Variants in TTC27 observed in about 807,000 individuals in gnomAD.
TTC27 encodes tetratricopeptide repeat protein 27.
A neutral mutation model predicts 115.9 loss-of-function variants in TTC27; 79 were observed. The ratio of observed to expected loss-of-function variants is 0.68; its 90% CI spans 0.57 to 0.82. The LOEUF (loss-of-function observed/expected upper bound fraction) is 0.82. TTC27 is among the 40% of genes least tolerant of loss of function. The pLI is 0.00. For synonymous variants in TTC27, 401 were observed against 356.0 expected (o/e 1.13, Z -1.42); for missense variants, 1,054 against 993.1 (o/e 1.06, Z -0.82).
At chr2:32,745,885 C>T (rs984143461) in intron 12 of TTC27, among the ~76,000 whole-genome samples, 2 of 152,112 alleles carry the variant, frequency 1.3e-5, no homozygotes, top group African/African-American at 4.8e-5. Flanking sequence ...GCAAGCATCT[C>T]TGGGCAATTT....
chr2:32,641,671 G>A (rs936410910), intron 4 of TTC27, among the ~76,000 whole-genome samples: 2 of 151,908 alleles, frequency 1.3e-5, no homozygotes, highest in African/African-American at 4.8e-5. Flanking sequence ...TTTAAGAAAT[G>A]CAATAGTTCT....
intron 10 of TTC27, among the ~76,000 whole-genome samples, chr2:32,717,612 G>A (rs564122621): frequency 5.6e-4 from 85 of 151,886 alleles, no homozygotes; most frequent in Non-Finnish European, 9.4e-4. Context: ...AGTTAAATTT[G>A]TGTCTTTGTG....
At chr2:32,657,925 G>C (rs1158701070) in intron 5 of TTC27, among the ~76,000 whole-genome samples, 1 of 152,210 alleles carries the variant, frequency 6.6e-6, no homozygotes, top group Non-Finnish European at 1.5e-5. Context: ...CACCTTCGGG[G>C]TTCAAGTGAT....
At chr2:32,711,700 G>A (rs966782905) in intron 10 of TTC27, among the ~76,000 whole-genome samples, 8 of 152,164 alleles carry the variant, frequency 5.3e-5, no homozygotes, top group African/African-American at 1.9e-4. Flanking sequence ...AGCACTTTGG[G>A]AGGCTGAGGT....
At chr2:32,650,946 A>G (rs971432385) in intron 5 of TTC27, among the ~76,000 whole-genome samples, 1 of 152,124 alleles carries the variant, frequency 6.6e-6, no homozygotes, top group Non-Finnish European at 1.5e-5. Flanking sequence ...GGAGAATCTT[A>G]GGTGCCTTAA....
At chr2:32,656,602 C>G (rs754601848) in intron 5 of TTC27, among the ~76,000 whole-genome samples, 1 of 152,080 alleles carries the variant, frequency 6.6e-6, no homozygotes, top group East Asian at 1.9e-4. Flanking sequence ...GTGATCACCA[C>G]GAAAGGGTTT....
intron 18 of TTC27, among the ~76,000 whole-genome samples, chr2:32,815,178 T>C (rs1302744860): frequency 6.6e-6 from 1 of 151,052 alleles, no homozygotes; most frequent in Non-Finnish European, 1.5e-5. Context: ...TAAGAGTTAA[T>C]GCATTTTAAC....
intron 13 of TTC27, among the ~76,000 whole-genome samples, chr2:32,763,382 ATCC>A (rs1053278303): frequency 1.3e-5 from 2 of 152,238 alleles, no homozygotes; most frequent in Non-Finnish European, 2.9e-5. Flanking sequence ...AAAAAATTCT[ATCC>A]TCTTTTTTAG....
chr2:32,759,340 G>A (rs1669354888), intron 13 of TTC27, among the ~76,000 whole-genome samples: 1 of 152,164 alleles, frequency 6.6e-6, no homozygotes, highest in Non-Finnish European at 1.5e-5. Flanking sequence ...TATGAGCCAG[G>A]TAATTCATTA....
chr2:32,763,137 G>A (rs1174810856), intron 13 of TTC27, among the ~76,000 whole-genome samples: 1 of 152,194 alleles, frequency 6.6e-6, no homozygotes, highest in Non-Finnish European at 1.5e-5. Context: ...GATGTTATGT[G>A]AAAATATTTT....
At chr2:32,811,319 A>C in intron 17 of TTC27, 98 bp downstream of exon 17, 1 of 1,153,232 alleles carries the variant, frequency 8.7e-7, no homozygotes, top group South Asian at 1.5e-5. Flanking sequence ...AACAATCTGA[A>C]AGATAAGATT....
intron 5 of TTC27, among the ~76,000 whole-genome samples, chr2:32,653,524 G>A (rs1665207718): frequency 6.6e-6 from 1 of 150,388 alleles, no homozygotes; most frequent in Non-Finnish European, 1.5e-5. Context: ...AACCTGGGAG[G>A]TAGAGGTTAC....
intron 10 of TTC27, among the ~76,000 whole-genome samples, chr2:32,704,035 A>T (rs1007109692): frequency 6.6e-5 from 10 of 152,242 alleles, no homozygotes; most frequent in Non-Finnish European, 1.3e-4. Context: ...CCATTTTATA[A>T]GGGCCAAAGT....
At chr2:32,699,567 C>G (rs1667114023) in intron 9 of TTC27, among the ~76,000 whole-genome samples, 1 of 152,146 alleles carries the variant, frequency 6.6e-6, no homozygotes, top group Non-Finnish European at 1.5e-5. Context: ...GCTTCATAAA[C>G]CAACATATTT....
intron 3 of TTC27, 59 bp from the exon 4 acceptor site, chr2:32,640,211 C>A: frequency 6.9e-7 from 1 of 1,459,734 alleles, no homozygotes; most frequent in Non-Finnish European, 9.3e-7. Flanking sequence ...TATTACAAGA[C>A]ATATAAAGAT....
At chr2:32,667,157 T>A (rs1313060661) in intron 7 of TTC27, among the ~76,000 whole-genome samples, 1 of 152,176 alleles carries the variant, frequency 6.6e-6, no homozygotes, top group Non-Finnish European at 1.5e-5. Flanking sequence ...TCTCTTGGAA[T>A]CTCTTAGGCT....
chr2:32,798,478 C>T lies in TTC27; in HGVS notation c.1998+11329C>T, dbSNP rs1209965428. 3.3e-5 allele frequency among the ~76,000 whole-genome samples: 5 copies of T among 151,658 alleles called. No individual in the cohort carries two copies. In the East Asian group the frequency reaches 5.9e-4, roughly 18 times the overall value. ...CAGAACTTTGGGAGGCCGAGGCGGG[C>T]GGATCACGAGGTCAGGAGATCGAGA... On this transcript the variant is annotated intron_variant, in intron 16 of 19. Transcript: ENST00000317907.
intron 12 of TTC27, among the ~76,000 whole-genome samples, chr2:32,755,604 G>A (rs1255099229): frequency 7.1e-6 from 1 of 140,572 alleles, no homozygotes; most frequent in Non-Finnish European, 1.6e-5. Flanking sequence ...GGTGGAAAGA[G>A]AGGGAGAGGG....
intron 9 of TTC27, among the ~76,000 whole-genome samples, chr2:32,701,963 A>T (rs1384423099): frequency 2.0e-5 from 3 of 150,686 alleles, no homozygotes; most frequent in East Asian, 2.0e-4. Flanking sequence ...GCTTGCCATG[A>T]TCATGCCACT....
Sources: gnomAD v4.1 joint callset for allele counts (sites outside exome capture counted in the v4.1 genomes callset) on GRCh38, gnomAD v4.1.1 for gene constraint, MANE v1.5 for transcripts, NCBI Gene and HGNC (gene_info 2026-07-23, HGNC 2026-07-21) for gene names.